The following GIGYF2 variants were observed in gnomAD, a reference collection of about 807,000 sequenced individuals.
GIGYF2 encodes the protein GRB10 interacting GYF protein 2.
In GIGYF2, 25 loss-of-function variants were observed where a neutral mutation model predicts 208.1. The ratio of observed to expected loss-of-function variants is 0.12; its 90% confidence interval spans 0.09 to 0.17. GIGYF2 has a LOEUF of 0.17. GIGYF2 is among the 10% of genes least tolerant of loss of function. The pLI, the probability that GIGYF2 is intolerant of heterozygous loss-of-function variation, is 1.00. For missense variants in GIGYF2, 1,302 were observed against 1,579.4 expected (o/e 0.82, Z 2.98); for synonymous variants, 534 against 543.8 (o/e 0.98, Z 0.25).
At chr2:232,752,809 G>A (rs1411594119) in intron 5 of GIGYF2, among the ~76,000 whole-genome samples, 4 of 151,954 alleles carry the variant, frequency 2.6e-5, no homozygotes, top group African/African-American at 4.8e-5. Context: ...CAAAGTGCTG[G>A]GATTACAGGC....
intron 14 of GIGYF2, among the ~76,000 whole-genome samples, chr2:232,804,840 A>G (rs1186960772): frequency 6.7e-6 from 1 of 148,258 alleles, no homozygotes; most frequent in African/African-American, 2.5e-5. Context: ...TTCCCTTGAG[A>G]CTCCCTCTTT....
At chr2:232,736,162 A>C (rs757246005) in intron 3 of GIGYF2, 134 of 980,642 alleles carry the variant, frequency 1.4e-4, no homozygotes, top group Middle Eastern at 1.0e-3. Context: ...ACTGAGGAGA[A>C]ATCACTATTT....
At chr2:232,720,086 C>T (rs1184387934) in intron 2 of GIGYF2, among the ~76,000 whole-genome samples, 3 of 152,092 alleles carry the variant, frequency 2.0e-5, no homozygotes, top group Non-Finnish European at 4.4e-5. Flanking sequence ...TAATGCTATC[C>T]CTCCCCAAGT....
chr2:232,756,178 TTCTTTTTTTCCTTTTTC>T, intron 5 of GIGYF2, 28 bp from the exon 6 acceptor site: 1 of 1,205,862 alleles, frequency 8.3e-7, no homozygotes, highest in East Asian at 2.3e-5. Context: ...ATTTTTTTCT[TTCTTTTTTTCCTTTTTC>T]TCTTTTTTTT....
Position 232,811,407 on chromosome 2 carries a change from G to A in GIGYF2, c.2006+56G>A, listed in dbSNP as rs975374588. On this transcript the variant is annotated intron_variant, in intron 17 of 28. Transcript: ENST00000373563. ...GGGTGCATGTGTTGTGAAAGAAAGA[G>A]AAGAAAGGAGAAATTCTGGTATAGT... The A allele has an allele frequency of 7.9e-6, 8 of 1,017,368 alleles. No individual in the cohort carries two copies. In the African/African-American group the frequency reaches 1.3e-4, roughly 16 times the overall value. The allele number at this position is 1,017,368 out of a possible 1,614,324, so 63.0% of individuals were successfully genotyped here. A position where few individuals can be genotyped will look rare whatever the true frequency, so the allele number is the denominator to read the frequency against.
chr2:232,699,718 C>T (rs1341602014), intron 1 of GIGYF2, among the ~76,000 whole-genome samples: 1 of 152,108 alleles, frequency 6.6e-6, no homozygotes, highest in Non-Finnish European at 1.5e-5. Context: ...CACATTTAGA[C>T]ACATGATTAA....
At chr2:232,768,054 T>C in intron 8 of GIGYF2, 1 of 801,806 alleles carries the variant, frequency 1.2e-6, no homozygotes, top group South Asian at 1.6e-5. Flanking sequence ...CAGCCATTCT[T>C]ATGTAGGCAT....
chr2:232,856,461 G>A (rs573308426), intron 28 of GIGYF2, among the ~76,000 whole-genome samples: 327 of 152,118 alleles, frequency 2.1e-3, no homozygotes, highest in African/African-American at 7.1e-3. Context: ...AGGCCGAGGC[G>A]GGCGGATCAT....
intron 8 of GIGYF2, among the ~76,000 whole-genome samples, chr2:232,773,640 T>C (rs1699374773): frequency 6.6e-6 from 1 of 152,138 alleles, no homozygotes; most frequent in South Asian, 2.1e-4. Context: ...TTGTTAACTT[T>C]GTTCATGATT....
intron 8 of GIGYF2, among the ~76,000 whole-genome samples, chr2:232,773,941 T>G (rs560916663): frequency 6.8e-5 from 10 of 147,326 alleles, no homozygotes; most frequent in African/African-American, 2.5e-4. Context: ...AAAGGTGTCT[T>G]AAGTTTCACA....
intron 2 of GIGYF2, chr2:232,718,918 C>G (rs576209333): frequency 1.3e-5 from 2 of 151,858 alleles, no homozygotes; most frequent in South Asian, 4.2e-4. Context: ...ATAGTACTGG[C>G]TGGACTCCAT....
chr2:232,718,342 A>C (rs1696788939), intron 2 of GIGYF2, among the ~76,000 whole-genome samples: 1 of 151,914 alleles, frequency 6.6e-6, no homozygotes, highest in African/African-American at 2.4e-5. Flanking sequence ...CACGCGATCC[A>C]CTCACCTTAG....
intron 4 of GIGYF2, 27 bp from the exon 5 acceptor site, chr2:232,748,960 C>A: frequency 2.0e-6 from 2 of 993,278 alleles, no homozygotes; most frequent in Non-Finnish European, 3.3e-6. Context: ...TAGCATTAAT[C>A]TCATAATCAT....
rs1317119964 is a variant in GIGYF2, at chr2:232,841,470, T to C, written c.2889+1499T>C. Among the ~76,000 whole-genome samples, 8 of 17,344 alleles carry C rather than the reference T, an allele frequency of 4.6e-4. No individual in the cohort carries two copies. The Admixed American group carries it at 6.0e-3, about 13-fold the overall frequency. 11.4% of individuals were successfully genotyped at this position (17,344 alleles called of 152,430 possible). ...GCCACCACCACCAGCTATTTTTTTT[T>C]TTTTTTTTTTTTTTAAGTATTTTTA... On this transcript the variant is annotated intron_variant, in intron 23 of 28. Coordinates refer to ENST00000373563, the MANE Select transcript of GIGYF2 (RefSeq NM_001103146.3).
At chr2:232,736,434 T>C (rs1255869707) in intron 3 of GIGYF2, 1 of 156,906 alleles carries the variant, frequency 6.4e-6, no homozygotes, top group Non-Finnish European at 1.4e-5. Flanking sequence ...TATACACTTA[T>C]TTTTTACAAA....
chr2:232,719,480 C>A (rs1371764096), intron 2 of GIGYF2, among the ~76,000 whole-genome samples: 1 of 152,122 alleles, frequency 6.6e-6, no homozygotes, highest in Admixed American at 6.6e-5. Flanking sequence ...AGGTCAGAGT[C>A]TGTCTTTTCT....
At chr2:232,739,348 G>A (rs938988937) in intron 3 of GIGYF2, among the ~76,000 whole-genome samples, 1 of 126,178 alleles carries the variant, frequency 7.9e-6, no homozygotes, top group Admixed American at 9.2e-5. Flanking sequence ...ACAAGCCTGG[G>A]CAACAAAAGC....
chr2:232,845,695 T>G (rs759383840), intron 25 of GIGYF2, 37 bp from the exon 26 acceptor site: 1 of 1,531,310 alleles, frequency 6.5e-7, no homozygotes, highest in African/African-American at 1.4e-5. Context: ...AGTAACAGTT[T>G]CTGGGAATAT....
chr2:232,782,211 T>G (rs558168090), intron 8 of GIGYF2, among the ~76,000 whole-genome samples: 230 of 151,734 alleles, frequency 1.5e-3, no homozygotes, highest in African/African-American at 5.4e-3. Context: ...TTTTAAAAAA[T>G]TTTTTTTTAC....
Sources: allele counts gnomAD v4.1 joint callset (sites outside exome capture counted in the v4.1 genomes callset), GRCh38; gene constraint gnomAD v4.1.1; transcripts MANE v1.5; gene names NCBI Gene and HGNC (gene_info 2026-07-23, HGNC 2026-07-21).